Variants in SRGAP1 observed in about 807,000 individuals in gnomAD.
The protein encoded by SRGAP1 is SLIT-ROBO Rho GTPase activating protein 1.
A neutral mutation model predicts 121.9 loss-of-function variants in SRGAP1; 43 were observed. The observed-to-expected ratio is 0.35, with a 90% CI of 0.28 to 0.46. The LOEUF (loss-of-function observed/expected upper bound fraction) is 0.46. Ranked by LOEUF, SRGAP1 falls within the 20% of genes least tolerant of loss-of-function variation. SRGAP1 has a pLI of 1.00. For missense variants in SRGAP1, 1,102 were observed against 1,350.9 expected (o/e 0.82, Z 2.89); for synonymous variants, 447 against 485.4 (o/e 0.92, Z 1.04).
chr12:64,112,810 T>A (rs1268634225), intron 17 of SRGAP1, among the ~76,000 whole-genome samples: 1 of 152,166 alleles, frequency 6.6e-6, no homozygotes, highest in East Asian at 1.9e-4. Context: ...ATATCACATG[T>A]TCTTACTCAT....
At chr12:64,026,746 A>G (rs1217771195) in intron 4 of SRGAP1, among the ~76,000 whole-genome samples, 2 of 151,930 alleles carry the variant, frequency 1.3e-5, no homozygotes, top group South Asian at 2.1e-4. Flanking sequence ...CGCGCCTGTA[A>G]TCCCAGCTAC....
intron 8 of SRGAP1, among the ~76,000 whole-genome samples, chr12:64,077,228 G>C (rs960237164): frequency 1.3e-5 from 2 of 151,936 alleles, no homozygotes; most frequent in Non-Finnish European, 2.9e-5. Flanking sequence ...CCACAACAAA[G>C]TACAGTGATA....
intron 1 of SRGAP1, among the ~76,000 whole-genome samples, chr12:63,951,662 T>C (rs768879560): frequency 1.3e-5 from 2 of 152,206 alleles, no homozygotes; most frequent in Non-Finnish European, 2.9e-5. Context: ...AAGAGAAGGC[T>C]TCTTCCACCA....
intron 1 of SRGAP1, chr12:63,878,791 G>A (rs1002773803): frequency 1.3e-5 from 2 of 152,190 alleles, no homozygotes; most frequent in Admixed American, 1.3e-4. Flanking sequence ...TCCTTGGCTG[G>A]TGATGTAGCT....
chr12:63,908,569 T>A (rs1236186051), intron 1 of SRGAP1, among the ~76,000 whole-genome samples: 5 of 152,152 alleles, frequency 3.3e-5, no homozygotes, highest in Non-Finnish European at 7.4e-5. Flanking sequence ...TTTGTATTTT[T>A]AGTAGAGACA....
At chr12:64,090,571 G>GT (rs150614619) in intron 11 of SRGAP1, among the ~76,000 whole-genome samples, 1 of 152,340 alleles carries the variant, frequency 6.6e-6, no homozygotes, top group African/African-American at 2.4e-5. Context: ...TGAGTGAGGT[G>GT]GCTCACGCCT....
At chr12:64,069,832 T>C (rs907774656) in intron 8 of SRGAP1, among the ~76,000 whole-genome samples, 1 of 152,150 alleles carries the variant, frequency 6.6e-6, no homozygotes, top group Non-Finnish European at 1.5e-5. Flanking sequence ...CAAATAACTA[T>C]TTTGAATTAT....
chr12:63,941,676 GAAAA>G (rs543399375), intron 1 of SRGAP1, among the ~76,000 whole-genome samples: 2 of 117,514 alleles, frequency 1.7e-5, no homozygotes, highest in Admixed American at 9.1e-5. Context: ...ATGCCAGTTA[GAAAA>G]AAAAAAAAAA....
chr12:63,990,785 G>A (rs2033538643), intron 3 of SRGAP1, among the ~76,000 whole-genome samples: 1 of 152,164 alleles, frequency 6.6e-6, no homozygotes, highest in South Asian at 2.1e-4. Flanking sequence ...CACACATGAT[G>A]AGAAACTTGT....
At chr12:64,110,991 A>T (rs1245362884) in intron 16 of SRGAP1, among the ~76,000 whole-genome samples, 1 of 152,158 alleles carries the variant, frequency 6.6e-6, no homozygotes, top group Admixed American at 6.5e-5. Context: ...TATACACTGA[A>T]AGATAACATA....
At position 63,919,499 on chromosome 12, in the gene SRGAP1, C is replaced by CATATATATATATATATAT. The variant is rs10570691; in HGVS notation, c.68-64442_68-64425dup. On this transcript the variant is annotated intron_variant, in intron 1 of 21. Coordinates refer to ENST00000355086, the MANE Select transcript of SRGAP1 (RefSeq NM_020762.4). ...TTTTAATTGTTTTAACTTAACATTA[C>CATATATATATATATATAT]ATATATATATATATATATATATACA... Among the ~76,000 whole-genome samples the CATATATATATATATATAT allele has an allele frequency of 1.3e-3, 176 of 133,974 alleles. 2 individuals carry two copies. The highest frequency in any genetic ancestry group is 3.7e-3 in the African/African-American group (121 of 32,468). The allele number at this position is 133,974 out of a possible 152,430, so 87.9% of individuals were successfully genotyped here.
intron 3 of SRGAP1, among the ~76,000 whole-genome samples, chr12:63,994,278 A>G (rs538272822): frequency 8.3e-4 from 126 of 152,332 alleles, no homozygotes; most frequent in African/African-American, 3.0e-3. Context: ...GTGAGATTAT[A>G]CCAAATATTA....
At chr12:64,092,009 T>C (rs2036062136) in intron 12 of SRGAP1, 3 of 1,134,264 alleles carry the variant, frequency 2.6e-6, no homozygotes, top group Non-Finnish European at 2.5e-6. Context: ...TTTAATTAGA[T>C]TGTTAAGGTT....
intron 1 of SRGAP1, among the ~76,000 whole-genome samples, chr12:63,860,979 G>T (rs1411982166): frequency 2.0e-5 from 3 of 151,938 alleles, no homozygotes; most frequent in Non-Finnish European, 2.9e-5. Context: ...GGGAGTGCAG[G>T]CGCAGACCGC....
chr12:63,928,274 A>G (rs903299010), intron 1 of SRGAP1, among the ~76,000 whole-genome samples: 27 of 152,318 alleles, frequency 1.8e-4, no homozygotes, highest in Non-Finnish European at 2.2e-4. Flanking sequence ...GCATTTTCTT[A>G]TGAAGTTAAA....
chr12:63,913,736 C>T (rs1476131663), intron 1 of SRGAP1, among the ~76,000 whole-genome samples: 4 of 151,690 alleles, frequency 2.6e-5, no homozygotes, highest in African/African-American at 4.8e-5. Flanking sequence ...TGTTACCCGT[C>T]GTCCATAAAA....
intron 1 of SRGAP1, among the ~76,000 whole-genome samples, chr12:63,981,529 T>C (rs909408103): frequency 3.3e-5 from 5 of 152,204 alleles, no homozygotes; most frequent in African/African-American, 7.2e-5. Flanking sequence ...TTTTTCTTCA[T>C]GAAACAAAAA....
chr12:64,023,767 A>G (rs969391148), intron 4 of SRGAP1, among the ~76,000 whole-genome samples: 4 of 152,346 alleles, frequency 2.6e-5, no homozygotes, highest in South Asian at 2.1e-4. Flanking sequence ...GCCCTTTACC[A>G]TGAGGGCAAG....
At chr12:64,034,616 C>G (rs2034857825) in intron 4 of SRGAP1, among the ~76,000 whole-genome samples, 1 of 152,100 alleles carries the variant, frequency 6.6e-6, no homozygotes, top group African/African-American at 2.4e-5. Flanking sequence ...TTACTGTGCA[C>G]TTATATGTCA....
Sources: gnomAD v4.1 joint callset for allele counts (sites outside exome capture counted in the v4.1 genomes callset) on GRCh38, gnomAD v4.1.1 for gene constraint, MANE v1.5 for transcripts, NCBI Gene and HGNC (gene_info 2026-07-23, HGNC 2026-07-21) for gene names.